Variants in CDH13 observed in about 807,000 individuals in gnomAD.
CDH13 encodes the protein cadherin-13.
Under a neutral mutation model 63.8 loss-of-function variants are expected in CDH13, and 24 were observed. The observed-to-expected ratio is 0.38, with a 90% confidence interval of 0.27 to 0.53. The LOEUF is 0.53. Ranked by LOEUF, CDH13 falls within the 20% of genes least tolerant of loss-of-function variation. CDH13 has a pLI of 0.85. For missense variants in CDH13, 1,049 were observed against 903.1 expected, an observed-to-expected ratio of 1.16 and a Z score of -2.07; for synonymous variants, 503 against 355.3, an observed-to-expected ratio of 1.42 and a Z score of -4.67.
At chr16:83,480,187 G>A (rs1009132610) in intron 6 of CDH13, among the ~76,000 whole-genome samples, 3 of 152,104 alleles carry the variant, frequency 2.0e-5, no homozygotes, top group African/African-American at 4.8e-5. Context: ...ATAGTGGTGC[G>A]CACCTATAGT....
chr16:83,500,833 G>A (rs552697990), intron 7 of CDH13, among the ~76,000 whole-genome samples: 3 of 151,914 alleles, frequency 2.0e-5, no homozygotes, highest in East Asian at 2.0e-4. Flanking sequence ...ACCCGCCTCG[G>A]CCTCCCAAAG....
At chr16:83,664,486 A>G (rs375429658) in intron 8 of CDH13, among the ~76,000 whole-genome samples, 5 of 150,396 alleles carry the variant, frequency 3.3e-5, no homozygotes, top group South Asian at 2.1e-4. Context: ...TTATGTAAAT[A>G]TATATCTTAT....
intron 5 of CDH13, among the ~76,000 whole-genome samples, chr16:83,281,010 A>C (rs759333921): frequency 4.6e-5 from 7 of 152,230 alleles, no homozygotes; most frequent in African/African-American, 1.4e-4. Context: ...ATGGCCAATA[A>C]GCATTTGCTT....
rs78564967 is a variant in CDH13 at position 83,070,778 on chromosome 16, C to G, written c.366+38560C>G. ...AGCCTTGGAAATTCAAATGTAAAAA[C>G]CTAGTTCAGCAAAGGAGTTGTCTTA... On this transcript the variant is annotated intron_variant, in intron 3 of 13. Coordinates refer to ENST00000567109, the MANE Select transcript of CDH13 (RefSeq NM_001257.5). Among the ~76,000 whole-genome samples, 1,019 of 151,726 alleles carry G rather than the reference C, an allele frequency of 6.7e-3. 16 individuals carry two copies. Among genetic ancestry groups the G allele is most frequent in the African/African-American group, 0.022 (909 of 41,394 alleles).
intron 4 of CDH13, among the ~76,000 whole-genome samples, chr16:83,128,013 C>T (rs997222946): frequency 6.6e-6 from 1 of 152,172 alleles, no homozygotes; most frequent in African/African-American, 2.4e-5. Context: ...CCTGACTCCC[C>T]ACTTCTTCAA....
intron 1 of CDH13, among the ~76,000 whole-genome samples, chr16:82,658,156 T>C (rs1162311843): frequency 6.6e-6 from 1 of 152,214 alleles, no homozygotes; most frequent in Non-Finnish European, 1.5e-5. Context: ...CATCTATTGA[T>C]ATGTGCATGT....
At chr16:83,306,170 T>A (rs114040546) in intron 5 of CDH13, among the ~76,000 whole-genome samples, 2,419 of 152,308 alleles carry the variant, frequency 0.016, 64 homozygotes, top group African/African-American at 0.052. Flanking sequence ...ACGTTGTCAC[T>A]GGTTGAGAAC....
chr16:83,741,809 G>C (rs916495356), intron 10 of CDH13, among the ~76,000 whole-genome samples: 1 of 144,676 alleles, frequency 6.9e-6, no homozygotes, highest in South Asian at 2.1e-4. Flanking sequence ...CCTGGGCCAC[G>C]GACGGCCCCA....
intron 2 of CDH13, among the ~76,000 whole-genome samples, chr16:82,921,991 G>A (rs904890365): frequency 6.6e-6 from 1 of 151,880 alleles, no homozygotes; most frequent in Non-Finnish European, 1.5e-5. Context: ...AACCAGTTTG[G>A]TAATTTGTGT....
intron 7 of CDH13, among the ~76,000 whole-genome samples, chr16:83,576,044 A>G (rs1192063438): frequency 2.0e-5 from 3 of 152,222 alleles, no homozygotes; most frequent in Non-Finnish European, 4.4e-5. Context: ...TAAAGTGACA[A>G]GTTGAGTGGC....
intron 5 of CDH13, among the ~76,000 whole-genome samples, chr16:83,248,986 G>A (rs9931250): frequency 0.22 from 32,920 of 152,174 alleles, 3,578 homozygotes; most frequent in Middle Eastern, 0.31. Context: ...CACTCTTTGA[G>A]TGCATAACCT....
chr16:83,214,195 A>T (rs1222842363), intron 4 of CDH13, among the ~76,000 whole-genome samples: 1 of 151,986 alleles, frequency 6.6e-6, no homozygotes, highest in East Asian at 1.9e-4. Context: ...AGTGACAGAG[A>T]AGAGGTGAGT....
chr16:83,386,346 T>C (rs1371343837), intron 6 of CDH13, among the ~76,000 whole-genome samples: 1 of 152,134 alleles, frequency 6.6e-6, no homozygotes, highest in Non-Finnish European at 1.5e-5. Flanking sequence ...GATGCTGGAA[T>C]GTTGGGGGCA....
chr16:83,685,152 T>G (rs1039842062), intron 10 of CDH13, among the ~76,000 whole-genome samples: 2 of 152,160 alleles, frequency 1.3e-5, no homozygotes, highest in Non-Finnish European at 2.9e-5. Context: ...TTATTTAAAT[T>G]TTATTGGCCA....
intron 6 of CDH13, among the ~76,000 whole-genome samples, chr16:83,480,092 A>G (rs1380879449): frequency 3.9e-5 from 6 of 152,188 alleles, no homozygotes; most frequent in Admixed American, 6.5e-5. Flanking sequence ...TGGGAGGACA[A>G]CGTGGGCAGA....
At chr16:82,752,500 A>G (rs1484920760) in intron 1 of CDH13, among the ~76,000 whole-genome samples, 3 of 152,220 alleles carry the variant, frequency 2.0e-5, no homozygotes, top group Non-Finnish European at 4.4e-5. Context: ...ACAGTTCTTG[A>G]TTGGTTGAGG....
intron 10 of CDH13, among the ~76,000 whole-genome samples, chr16:83,720,144 G>A (rs569710005): frequency 2.0e-5 from 3 of 152,216 alleles, no homozygotes; most frequent in South Asian, 4.1e-4. Context: ...GGTCATCTGA[G>A]TGCCAGCTCT....
intron 6 of CDH13, among the ~76,000 whole-genome samples, chr16:83,405,699 A>C (rs1476700369): frequency 6.6e-6 from 1 of 152,232 alleles, no homozygotes; most frequent in Non-Finnish European, 1.5e-5. Flanking sequence ...TTGCATAAGT[A>C]CCACACTCTG....
intron 5 of CDH13, among the ~76,000 whole-genome samples, chr16:83,272,974 C>T (rs1217993917): frequency 6.6e-6 from 1 of 151,960 alleles, no homozygotes; most frequent in Non-Finnish European, 1.5e-5. Context: ...TCGGTAAGCA[C>T]AATCTGCTCA....
Sources: allele counts gnomAD v4.1 joint callset (sites outside exome capture counted in the v4.1 genomes callset), GRCh38; gene constraint gnomAD v4.1.1; transcripts MANE v1.5; gene names NCBI Gene and HGNC (gene_info 2026-07-23, HGNC 2026-07-21).